Variants in IL18BP observed in about 807,000 individuals in gnomAD.
The protein encoded by IL18BP is interleukin 18 binding protein.
Under a neutral mutation model 19.9 loss-of-function variants are expected in IL18BP, and 23 were observed. The ratio of observed to expected loss-of-function variants is 1.15; its 90% confidence interval spans 0.83 to 1.64. The LOEUF is 1.64. IL18BP is among the 40% of genes most tolerant of loss of function. The pLI, the probability that IL18BP is intolerant of heterozygous loss-of-function variation, is 0.00. For synonymous variants in IL18BP, 107 were observed against 101.0 expected, an observed-to-expected ratio of 1.06 and a Z score of -0.35; for missense variants, 239 against 240.7, an observed-to-expected ratio of 0.99 and a Z score of 0.05.
chr11:72,004,140 C>G, downstream of IL18BP: 1 of 1,611,276 alleles, frequency 6.2e-7, no homozygotes, highest in Non-Finnish European at 8.5e-7. Context: ...CCAATGCTGC[C>G]TTCCCAGGCC....
chr11:72,008,159 A>T (rs748851160), downstream of IL18BP: 4 of 477,110 alleles, frequency 8.4e-6, no homozygotes, highest in African/African-American at 3.9e-5. Context: ...GCACAAAATA[A>T]GTAAATGTAA....
At chr11:72,006,752 C>G (rs1222881542), downstream of IL18BP, among the ~76,000 whole-genome samples, 1 of 152,182 alleles carries the variant, frequency 6.6e-6, no homozygotes, top group African/African-American at 2.4e-5. Context: ...ACAGGTCCCC[C>G]CTGCTGTACC....
downstream of IL18BP, chr11:72,003,473 C>T (rs762857415): frequency 5.7e-6 from 9 of 1,570,864 alleles, no homozygotes; most frequent in Non-Finnish European, 7.0e-6. Context: ...GGCGGAGGAC[C>T]AGGTGAGGTC....
chr11:72,005,417 T>TGCAGGAAGGAGGGG, downstream of IL18BP: 1 of 1,583,990 alleles, frequency 6.3e-7, no homozygotes, highest in Non-Finnish European at 8.6e-7. Flanking sequence ...AGTCGGCAGG[T>TGCAGGAAGGAGGGG]CACCTCCTGG....
chr11:72,004,373 A>C, downstream of IL18BP: 1 of 1,578,850 alleles, frequency 6.3e-7, no homozygotes, highest in Non-Finnish European at 8.7e-7. Context: ...GGCAGACAGT[A>C]GCAAGAGGAG....
At chr11:72,005,392 A>G (rs762028616), downstream of IL18BP, 1 of 1,600,054 alleles carries the variant, frequency 6.2e-7, no homozygotes, top group Non-Finnish European at 8.5e-7. Context: ...GGGAAGTGGG[A>G]ACAAATGAGC....
downstream of IL18BP, chr11:72,004,229 TTAG>T (rs774487893): frequency 4.3e-6 from 7 of 1,610,662 alleles, no homozygotes; most frequent in South Asian, 5.5e-5. Flanking sequence ...CCTCACCTGT[TTAG>T]TAGAAGCTGG....
chr11:72,004,600 G>A (rs1379807069), downstream of IL18BP: 1 of 1,593,592 alleles, frequency 6.3e-7, no homozygotes, highest in Non-Finnish European at 8.5e-7. Context: ...CCTGACCTGA[G>A]CACAGTGCTG....
At chr11:72,004,500 A>G, downstream of IL18BP, 4 of 1,217,954 alleles carry the variant, frequency 3.3e-6, no homozygotes, top group Non-Finnish European at 4.7e-6. Context: ...AACAGTTCCC[A>G]TCCATGGGTC....
Position 72,000,476 on chromosome 11 carries a change from C to A in IL18BP, c.154C>A (p.Pro52Thr), listed in dbSNP as rs377351472. The A allele has an allele frequency of 8.7e-6, 14 of 1,613,966 alleles. No individual in the cohort carries two copies. Among genetic ancestry groups the A allele is most frequent in the African/African-American group, 1.3e-5 (1 of 74,918 alleles). Residue 52 changes from proline to threonine, a missense_variant, in exon 3 of 6, where the codon CCC (proline) becomes ACC (threonine). By Grantham distance (38) the Pro-to-Thr change is conservative. Transcript: ENST00000393703. Reference sequence around the variant, plus strand: ...AGTTAGAAGCACAAAGGACCCCTGCCCCTCCCAGCCCCCAGTGTTCCCAGC... The same window carrying A: ...AGTTAGAAGCACAAAGGACCCCTGCACCTCCCAGCCCCCAGTGTTCCCAGC... ...ASVRSTKDPCPSQPPVFPAAK... is the reference protein window; with the variant it reads ...ASVRSTKDPCTSQPPVFPAAK...
At position 72,002,788 on chromosome 11, in the gene IL18BP, G is replaced by A. The variant is rs1955344983; in HGVS notation, c.*927G>A. ...ATGAGAGAAAGGAGGTGGTATGGAA[G>A]ACTCAGCAGGAACAAGGTAGGCTTC... On this transcript the variant is annotated 3_prime_UTR_variant, in exon 6 of 6. Coordinates refer to ENST00000393703, the MANE Select transcript of IL18BP (RefSeq NM_001039660.2). 5.3e-6 allele frequency: 1 copy of A among 187,000 alleles called. No homozygotes were observed. 11.6% of individuals were successfully genotyped at this position (187,000 alleles called of 1,614,324 possible).
In IL18BP at chr11:71,999,971, C is replaced by T. The variant is rs576645972; in HGVS notation, c.-14C>T. 1 of 1,613,830 alleles carries T rather than the reference C, an allele frequency of 6.2e-7. No individual in the cohort carries two copies. The highest frequency in any genetic ancestry group is 1.3e-5 in the African/African-American group (1 of 75,048). ...GATAAAGAGCCAGGCTCACCAGCTC[C>T]TGACGCATGCATCATGACCATGAGA... On this transcript the variant is annotated 5_prime_UTR_variant, in exon 2 of 6. Coordinates refer to ENST00000393703, the MANE Select transcript of IL18BP (RefSeq NM_001039660.2).
chr11:72,004,328 G>C, downstream of IL18BP: 1 of 1,612,988 alleles, frequency 6.2e-7, no homozygotes, highest in Non-Finnish European at 8.5e-7. Flanking sequence ...GAAACAGCTG[G>C]TGGCCTTCTT....
At chr11:72,003,160 A>G (rs1462258836), downstream of IL18BP, 1 of 307,784 alleles carries the variant, frequency 3.2e-6, no homozygotes, top group Non-Finnish European at 6.1e-6. Flanking sequence ...ACCAGGGCCT[A>G]CTCCTCTTAT....
Position 71,999,909 on chromosome 11 carries a change from TCCC to T in IL18BP, c.-58-15_-58-13del. The T allele has an allele frequency of 6.6e-7, 1 of 1,513,028 alleles. No homozygotes were observed. The highest frequency in any genetic ancestry group is 2.3e-5 in the East Asian group (1 of 44,146). 93.7% of individuals were successfully genotyped at this position (1,513,028 alleles called of 1,614,324 possible). On this transcript the variant is annotated splice_polypyrimidine_tract_variant and intron_variant, in intron 1 of 5. Coordinates refer to ENST00000393703, the MANE Select transcript of IL18BP (RefSeq NM_001039660.2). ...AAGCGGGAGTGGTTTACCATTCTCC[TCCC>T]CCACCTTTCACCAGAGAAGAGGACG...
At chr11:72,003,490 G>C, downstream of IL18BP, 1 of 1,608,970 alleles carries the variant, frequency 6.2e-7, no homozygotes, top group Admixed American at 1.7e-5. Context: ...GGTCAGCATC[G>C]GGGACACAGG....
chr11:72,001,943 C>G lies in IL18BP; in HGVS notation c.*82C>G, dbSNP rs1227437195. The G allele has an allele frequency of 1.3e-6, 2 of 1,590,818 alleles. No homozygotes were observed. The highest frequency in any genetic ancestry group is 2.7e-5 in the African/African-American group (2 of 74,222). ...TCTACCTGGAGTGAACAGTCCCTGA[C>G]TGCCTGTAGGCTGCGTGGATGCGCA... On this transcript the variant is annotated 3_prime_UTR_variant, in exon 6 of 6. Transcript: ENST00000393703.
chr11:72,005,324 TGCTCAG>T (rs1225622908), downstream of IL18BP: 3 of 1,608,368 alleles, frequency 1.9e-6, no homozygotes, highest in Non-Finnish European at 2.5e-6. Context: ...GTCATCCAGC[TGCTCAG>T]GCTCATCCTG....
At chr11:72,000,200 A>G (rs562933242) in intron 2 of IL18BP, 151 bp from the exon 3 acceptor site, 19 of 861,652 alleles carry the variant, frequency 2.2e-5, no homozygotes, top group East Asian at 2.0e-4. Flanking sequence ...ACTCTGTTCA[A>G]TAAAGGGCTA....
Sources: allele counts gnomAD v4.1 joint callset (sites outside exome capture counted in the v4.1 genomes callset), GRCh38; gene constraint gnomAD v4.1.1; transcripts MANE v1.5; gene names NCBI Gene and HGNC (gene_info 2026-07-23, HGNC 2026-07-21).